The following DGKB variants were observed in gnomAD, a reference collection of about 807,000 sequenced individuals.
DGKB encodes the protein diacylglycerol kinase beta, also known as 90 kDa diacylglycerol kinase.
A neutral mutation model predicts 114.3 loss-of-function variants in DGKB; 67 were observed. The observed-to-expected ratio is 0.59, with a 90% confidence interval of 0.48 to 0.72. The LOEUF (loss-of-function observed/expected upper bound fraction) is 0.72, where lower values mean the gene tolerates loss of function less well. Ranked by LOEUF, DGKB falls within the 30% of genes least tolerant of loss-of-function variation. The pLI is 0.00. For synonymous variants in DGKB, 398 were observed against 323.1 expected, an observed-to-expected ratio of 1.23 and a Z score of -2.49; for missense variants, 907 against 975.2, an observed-to-expected ratio of 0.93 and a Z score of 0.93.
At chr7:14,302,332 C>T (rs748726372) in intron 23 of DGKB, among the ~76,000 whole-genome samples, 26 of 152,018 alleles carry the variant, frequency 1.7e-4, no homozygotes, top group Non-Finnish European at 3.7e-4. Flanking sequence ...GTGATGTGTA[C>T]ACATATGATC....
At chr7:14,678,216 T>C (rs1279348783) in intron 12 of DGKB, among the ~76,000 whole-genome samples, 6 of 152,048 alleles carry the variant, frequency 3.9e-5, no homozygotes, top group South Asian at 2.1e-4. Flanking sequence ...GGAAAAAATG[T>C]GTGACATGGA....
intron 2 of DGKB, among the ~76,000 whole-genome samples, chr7:14,837,870 A>G (rs540274279): frequency 2.0e-5 from 3 of 152,306 alleles, no homozygotes; most frequent in East Asian, 3.9e-4. Flanking sequence ...ATTATTCAGG[A>G]AAGTCCTTGG....
intron 20 of DGKB, among the ~76,000 whole-genome samples, chr7:14,515,905 C>A (rs1788712907): frequency 3.9e-5 from 6 of 152,096 alleles, no homozygotes; most frequent in Admixed American, 3.3e-4. Context: ...AGTGCAGTGG[C>A]AAGCTCATGA....
intron 2 of DGKB, among the ~76,000 whole-genome samples, chr7:14,786,206 G>A (rs1437245776): frequency 6.6e-6 from 1 of 151,958 alleles, no homozygotes; most frequent in Non-Finnish European, 1.5e-5. Context: ...GTAGTGGCTA[G>A]TTTCCTACGA....
In DGKB at chr7:14,376,593, T is replaced by C. The variant is rs184252948; in HGVS notation, c.1836-31202A>G. Among the ~76,000 whole-genome samples, 3 of 152,274 alleles carry C rather than the reference T, an allele frequency of 2.0e-5. No homozygotes were observed. In the East Asian group the frequency reaches 5.8e-4, roughly 29 times the overall value. On this transcript the variant is annotated intron_variant, in intron 21 of 25. Coordinates refer to ENST00000402815, the MANE Select transcript of DGKB (RefSeq NM_001350709.2). The stretch of plus-strand genomic sequence containing the variant: ...CCAGTACTTTATAGCAGAGATGACA[T>C]TGAATGATTCACAAATTAATGAAAC...
At chr7:14,830,043 A>T (rs1846201171) in intron 2 of DGKB, among the ~76,000 whole-genome samples, 1 of 152,058 alleles carries the variant, frequency 6.6e-6, no homozygotes, top group African/African-American at 2.4e-5. Context: ...TTTAAGGACC[A>T]TTATCTTTAA....
intron 4 of DGKB, among the ~76,000 whole-genome samples, chr7:14,753,575 T>G (rs1586232755): frequency 6.6e-6 from 1 of 152,174 alleles, no homozygotes; most frequent in Admixed American, 6.5e-5. Context: ...AAATTTCCCA[T>G]GGTAAATTAA....
chr7:14,391,701 A>T (rs1286563574), intron 21 of DGKB, among the ~76,000 whole-genome samples: 2 of 152,174 alleles, frequency 1.3e-5, no homozygotes, highest in Admixed American at 1.3e-4. Flanking sequence ...CAGGAAAAAT[A>T]AAAGAAAGAA....
Position 14,753,908 on chromosome 7 carries a change from T to G in DGKB, c.168+20A>C. The G allele has an allele frequency of 7.0e-7, 1 of 1,438,354 alleles. No homozygotes were observed. The allele number at this position is 1,438,354 out of a possible 1,614,324, so 89.1% of individuals were successfully genotyped here. ...TAAAGAAAGAAAAGACAGACTTTAATAGAAAAGAAAATGTCTTACTTGGTT... is the reference window on the plus strand; with the variant it reads ...TAAAGAAAGAAAAGACAGACTTTAAGAGAAAAGAAAATGTCTTACTTGGTT... On this transcript the variant is annotated intron_variant, in intron 4 of 25. Coordinates refer to ENST00000402815, the MANE Select transcript of DGKB (RefSeq NM_001350709.2).
intron 1 of DGKB, among the ~76,000 whole-genome samples, chr7:14,899,961 G>A (rs1340139945): frequency 1.3e-5 from 2 of 152,016 alleles, no homozygotes; most frequent in Non-Finnish European, 2.9e-5. Context: ...TCAGAAATTT[G>A]TTTATTCCCC....
intron 13 of DGKB, among the ~76,000 whole-genome samples, chr7:14,651,031 G>A (rs1814353004): frequency 6.6e-6 from 1 of 152,120 alleles, no homozygotes; most frequent in Non-Finnish European, 1.5e-5. Flanking sequence ...AAAGAGTCCA[G>A]CACCAGATGG....
chr7:14,962,634 G>T (rs1019366970), intron 1 of DGKB, among the ~76,000 whole-genome samples: 6 of 130,260 alleles, frequency 4.6e-5, no homozygotes, highest in Admixed American at 1.5e-4. Flanking sequence ...GTGTGTGTGT[G>T]TTTGTGTGTG....
chr7:14,321,546 G>A lies in DGKB; in HGVS notation c.2122+16969C>T, dbSNP rs114099720. On this transcript the variant is annotated intron_variant, in intron 23 of 25. Transcript: ENST00000402815. ...CCAATATCAAGAACAAGACACCAACGTCCATTTTCACCCCATGTATTCAGC... is the reference window on the plus strand; with the variant it reads ...CCAATATCAAGAACAAGACACCAACATCCATTTTCACCCCATGTATTCAGC... 5.3e-3 allele frequency among the ~76,000 whole-genome samples: 787 copies of A among 148,120 alleles called. 7 individuals are homozygous for A. The highest frequency in any genetic ancestry group is 0.018 in the African/African-American group (731 of 39,996).
At chr7:14,866,212 TC>T (rs1207946922) in intron 1 of DGKB, among the ~76,000 whole-genome samples, 19 of 152,254 alleles carry the variant, frequency 1.2e-4, no homozygotes, top group African/African-American at 4.6e-4. Flanking sequence ...TTTTTAAAAT[TC>T]CCCACCAGAG....
intron 4 of DGKB, among the ~76,000 whole-genome samples, chr7:14,746,340 A>G (rs1411525335): frequency 3.3e-5 from 5 of 152,174 alleles, no homozygotes; most frequent in Admixed American, 3.3e-4. Context: ...TATACAAAAA[A>G]AAGGAATCAA....
chr7:14,934,139 T>C (rs1476144645), intron 1 of DGKB, among the ~76,000 whole-genome samples: 2 of 152,158 alleles, frequency 1.3e-5, no homozygotes, highest in Admixed American at 6.6e-5. Flanking sequence ...CTGGGTTCAA[T>C]AAACAAGATT....
intron 19 of DGKB, among the ~76,000 whole-genome samples, chr7:14,578,396 T>G (rs953544454): frequency 1.2e-4 from 19 of 152,214 alleles, no homozygotes; most frequent in African/African-American, 4.6e-4. Context: ...CAAATTCTGA[T>G]GAGGAATCTA....
intron 20 of DGKB, among the ~76,000 whole-genome samples, chr7:14,525,977 T>A (rs371703736): frequency 6.6e-6 from 1 of 152,272 alleles, no homozygotes; most frequent in Non-Finnish European, 1.5e-5. Context: ...GAAAAATATG[T>A]GCACATTCTC....
intron 23 of DGKB, among the ~76,000 whole-genome samples, chr7:14,229,724 T>C (rs977723413): frequency 1.3e-5 from 2 of 152,006 alleles, no homozygotes; most frequent in African/African-American, 4.8e-5. Flanking sequence ...TTATGATCAA[T>C]GACCATCCTT....
Sources: gnomAD v4.1 joint callset for allele counts (sites outside exome capture counted in the v4.1 genomes callset) on GRCh38, gnomAD v4.1.1 for gene constraint, MANE v1.5 for transcripts, NCBI Gene and HGNC (gene_info 2026-07-23, HGNC 2026-07-21) for gene names.